The following PDS5B variants were observed in gnomAD, a reference collection of about 807,000 sequenced individuals.
PDS5B encodes PDS5 cohesin associated factor B.
PDS5B carries 51 observed loss-of-function variants against 184.1 expected under a neutral mutation model. That is an observed-to-expected ratio of 0.28 (90% CI 0.22 to 0.35). The LOEUF (loss-of-function observed/expected upper bound fraction) is 0.35, where lower values mean the gene tolerates loss of function less well. PDS5B is among the 10% of genes least tolerant of loss of function. The probability of loss-of-function intolerance (pLI) is 1.00; values close to 1 mark genes in which losing one functional copy is unlikely to be tolerated. For missense variants in PDS5B, 1,180 were observed against 1,723.3 expected (o/e 0.68, Z 5.58); for synonymous variants, 566 against 569.2 (o/e 0.99, Z 0.08).
chr13:32,685,235 A>G (rs1951352155), intron 11 of PDS5B, among the ~76,000 whole-genome samples: 2 of 152,240 alleles, frequency 1.3e-5, no homozygotes. Context: ...TCAAATCTAT[A>G]GGTATCCAGA....
intron 33 of PDS5B, 34 bp downstream of exon 33, chr13:32,770,795 C>A: frequency 6.7e-7 from 1 of 1,497,040 alleles, no homozygotes; most frequent in South Asian, 1.2e-5. Context: ...AAACCAATTT[C>A]AAATTATTTT....
intron 1 of PDS5B, among the ~76,000 whole-genome samples, chr13:32,598,011 A>T (rs1159315923): frequency 6.6e-6 from 1 of 152,038 alleles, no homozygotes; most frequent in Non-Finnish European, 1.5e-5. Context: ...TATTCTGTAG[A>T]TTAAAAAAAA....
intron 1 of PDS5B, among the ~76,000 whole-genome samples, chr13:32,606,829 C>G (rs575889874): frequency 9.2e-5 from 14 of 152,184 alleles, no homozygotes; most frequent in Admixed American, 2.0e-4. Flanking sequence ...TTCAATCACT[C>G]ATACCCTTTC....
intron 1 of PDS5B, among the ~76,000 whole-genome samples, chr13:32,634,426 A>AC (rs1309522978): frequency 6.6e-6 from 1 of 151,824 alleles, no homozygotes; most frequent in East Asian, 1.9e-4. Flanking sequence ...TTATCCATTC[A>AC]CCAGTTAATA....
At chr13:32,620,866 T>C (rs2058290835) in intron 1 of PDS5B, among the ~76,000 whole-genome samples, 1 of 152,224 alleles carries the variant, frequency 6.6e-6, no homozygotes, top group African/African-American at 2.4e-5. Context: ...TCTTTCTATC[T>C]GGTGATGTGG....
At chr13:32,590,382 A>G (rs1176563561) in intron 1 of PDS5B, among the ~76,000 whole-genome samples, 3 of 152,224 alleles carry the variant, frequency 2.0e-5, no homozygotes, top group African/African-American at 4.8e-5. Context: ...ACCCTGTCCT[A>G]TAGAAGTGCA....
intron 6 of PDS5B, among the ~76,000 whole-genome samples, chr13:32,659,652 A>G (rs1206580247): frequency 1.3e-5 from 2 of 152,214 alleles, no homozygotes; most frequent in Non-Finnish European, 1.5e-5. Flanking sequence ...GTGAAATTTA[A>G]AGGGAAGTCT....
At chr13:32,692,327 A>AACTCCTATT (rs1300226734) in intron 13 of PDS5B, among the ~76,000 whole-genome samples, 1 of 151,082 alleles carries the variant, frequency 6.6e-6, no homozygotes, top group African/African-American at 2.4e-5. Flanking sequence ...AGTTCCCCAG[A>AACTCCTATT]ACTCCTATTA....
intron 22 of PDS5B, among the ~76,000 whole-genome samples, chr13:32,741,475 G>A (rs1006842854): frequency 2.0e-5 from 3 of 151,844 alleles, no homozygotes; most frequent in African/African-American, 7.3e-5. Context: ...CTTTTCCATG[G>A]GATTTAATAA....
chr13:32,636,477 G>C (rs951710502), intron 1 of PDS5B, among the ~76,000 whole-genome samples: 1 of 152,194 alleles, frequency 6.6e-6, no homozygotes, highest in Non-Finnish European at 1.5e-5. Context: ...ATTATTAGAG[G>C]ATTCAGCAGT....
Position 32,706,845 on chromosome 13 carries a change from T to C in PDS5B, c.1857-89T>C, listed in dbSNP as rs539323404. 1.3e-4 allele frequency: 85 copies of C among 677,654 alleles called. No individual in the cohort carries two copies. In the East Asian group the frequency reaches 1.8e-3, roughly 15 times the overall value. The allele number at this position is 677,654 out of a possible 1,614,324, so 42.0% of individuals were successfully genotyped here. On this transcript the variant is annotated intron_variant, in intron 17 of 34. Coordinates refer to ENST00000315596, the MANE Select transcript of PDS5B (RefSeq NM_015032.4). ...TGTATTTGGTTCGGATATGTATATA[T>C]GTATGTGCACATATATGTAACACAG...
intron 1 of PDS5B, among the ~76,000 whole-genome samples, chr13:32,628,586 ATTAAT>A (rs1218147423): frequency 3.3e-5 from 5 of 149,944 alleles, no homozygotes; most frequent in African/African-American, 7.4e-5. Flanking sequence ...TATACTTCCC[ATTAAT>A]TTAATTATGT....
intron 1 of PDS5B, among the ~76,000 whole-genome samples, chr13:32,638,690 G>A (rs1043198637): frequency 1.8e-4 from 28 of 151,974 alleles, no homozygotes; most frequent in African/African-American, 6.3e-4. Flanking sequence ...ATGCTGATAC[G>A]GGGGAAAGAG....
At position 32,688,457 on chromosome 13, in the gene PDS5B, C is replaced by T. The variant is rs1482087047; in HGVS notation, c.1357C>T (p.Leu453=). The T allele has an allele frequency of 2.6e-6, 4 of 1,517,224 alleles. No individual in the cohort carries two copies. In the Admixed American group the frequency reaches 7.5e-5, roughly 28 times the overall value. The allele number at this position is 1,517,224 out of a possible 1,614,324, so 94.0% of individuals were successfully genotyped here. The change falls in exon 13 of 35, where the codon CTA becomes TTA. Residue 453 remains leucine (L), a splice_region_variant and synonymous_variant. Coordinates refer to ENST00000315596, the MANE Select transcript of PDS5B (RefSeq NM_015032.4). Reference sequence around the variant, plus strand: ...AATGCCTTCTCTGCTTTTTTGTAGACTACTTGTTGAACGGATCTTTGCTCA... The same window carrying T: ...AATGCCTTCTCTGCTTTTTTGTAGATTACTTGTTGAACGGATCTTTGCTCA... The part of the protein sequence containing the change: ...IYYQNSIDDR[L]LVERIFAQYM...
intron 2 of PDS5B, among the ~76,000 whole-genome samples, chr13:32,651,503 G>A (rs1043648435): frequency 6.6e-6 from 1 of 152,172 alleles, no homozygotes; most frequent in South Asian, 2.1e-4. Context: ...GAGACCAGAA[G>A]TTTCCACAAA....
chr13:32,754,391 A>G (rs577665412), intron 25 of PDS5B, among the ~76,000 whole-genome samples: 40 of 152,040 alleles, frequency 2.6e-4, no homozygotes, highest in Non-Finnish European at 5.1e-4. Flanking sequence ...CTATTATGAA[A>G]TCTGTGTTTC....
At chr13:32,745,775 C>T (rs1292980744) in intron 23 of PDS5B, among the ~76,000 whole-genome samples, 2 of 152,170 alleles carry the variant, frequency 1.3e-5, no homozygotes, top group Admixed American at 6.5e-5. Context: ...GACCTAATCA[C>T]CTCCCCAAAG....
intron 1 of PDS5B, among the ~76,000 whole-genome samples, chr13:32,633,251 T>C (rs1330546525): frequency 6.6e-6 from 1 of 152,200 alleles, no homozygotes; most frequent in Non-Finnish European, 1.5e-5. Flanking sequence ...TTGCACAATA[T>C]TGTAAATATA....
intron 23 of PDS5B, among the ~76,000 whole-genome samples, chr13:32,743,076 T>G (rs2213377): frequency 0.32 from 48,490 of 151,554 alleles, 9,395 homozygotes; most frequent in Non-Finnish European, 0.44. Context: ...ACTTATTGAA[T>G]CTATTTCCAG....
Sources: allele counts gnomAD v4.1 joint callset (sites outside exome capture counted in the v4.1 genomes callset), GRCh38; gene constraint gnomAD v4.1.1; transcripts MANE v1.5; gene names NCBI Gene and HGNC (gene_info 2026-07-23, HGNC 2026-07-21).